GANC: variants seen among roughly 807,000 people sequenced by gnomAD.
GANC encodes neutral alpha-glucosidase C.
Under a neutral mutation model 124.2 loss-of-function variants are expected in GANC, and 117 were observed. The ratio of observed to expected loss-of-function variants is 0.94; its 90% confidence interval spans 0.81 to 1.10. GANC has a LOEUF of 1.10. Ranked by LOEUF, GANC falls within the 50% of genes least tolerant of loss-of-function variation. GANC has a pLI of 0.00. For missense variants in GANC, 1,140 were observed against 1,095.0 expected, an observed-to-expected ratio of 1.04 and a Z score of -0.58; for synonymous variants, 377 against 376.8, an observed-to-expected ratio of 1.00 and a Z score of -0.01.
intron 12 of GANC, among the ~76,000 whole-genome samples, chr15:42,326,916 CAA>C (rs763749175): frequency 2.6e-5 from 4 of 152,136 alleles, no homozygotes; most frequent in Non-Finnish European, 5.9e-5. Flanking sequence ...TCCCCAAGGA[CAA>C]AAGGAAAATA....
intron 6 of GANC, 94 bp downstream of exon 6, chr15:42,297,750 G>T (rs149559769): frequency 5.9e-6 from 5 of 851,466 alleles, no homozygotes; most frequent in Non-Finnish European, 9.1e-6. Context: ...CTACAGAAGG[G>T]TGCTTGTTAA....
At position 42,352,370 on chromosome 15, in the gene GANC, C is replaced by T; in HGVS notation, c.*231C>T. The T allele has an allele frequency of 7.6e-7, 1 of 1,316,456 alleles. No homozygotes were observed. Among genetic ancestry groups the T allele is most frequent in the South Asian group, 1.6e-5 (1 of 61,170 alleles). 81.5% of individuals were successfully genotyped at this position (1,316,456 alleles called of 1,614,324 possible). ...TTGTATCAAACATCTCCTTTTCTCC[C>T]TGATACATAGCCCTGAGACATTTAT... is the stretch of plus-strand genomic sequence containing the variant. On this transcript the variant is annotated 3_prime_UTR_variant, in exon 24 of 24. Transcript: ENST00000318010.
rs780116218 is a variant in GANC, at chr15:42,343,128, G to A, written c.2203G>A (p.Asp735Asn). 6.2e-7 allele frequency: 1 copy of A among 1,613,978 alleles called. No homozygotes were observed. Among genetic ancestry groups the A allele is most frequent in the African/African-American group, 1.3e-5 (1 of 74,924 alleles). Residue 735 changes from aspartate (D) to asparagine (N), a missense_variant, in exon 19 of 24, where the codon GAT (aspartate) becomes AAT (asparagine). Coordinates refer to ENST00000318010, the MANE Select transcript of GANC (RefSeq NM_198141.3). ...CACAGAACCAAAAGCCACCACAGTT[G>A]ATGTGTTTCTTCCAGGATCAAATGA... is the stretch of plus-strand genomic sequence containing the variant. ...PVTEPKATTV[D>N]VFLPGSNEVW...
chr15:42,343,207 C>T, intron 19 of GANC, 53 bp downstream of exon 19: 2 of 1,481,518 alleles, frequency 1.3e-6, no homozygotes, highest in South Asian at 2.3e-5. Context: ...CTCATCCCTT[C>T]TTTTCTTTTA....
intron 22 of GANC, 89 bp downstream of exon 22, chr15:42,349,584 A>G: frequency 1.3e-6 from 1 of 776,980 alleles, no homozygotes. Context: ...GGTATGTTTT[A>G]AGTTACTATT....
chr15:42,326,043 C>T (rs921022236), intron 11 of GANC, among the ~76,000 whole-genome samples: 4 of 152,260 alleles, frequency 2.6e-5, no homozygotes, highest in African/African-American at 4.8e-5. Context: ...CAGGTGTGAG[C>T]CGCTGTGCCT....
At chr15:42,279,802 C>G (rs1309792068) in intron 3 of GANC, among the ~76,000 whole-genome samples, 1 of 152,160 alleles carries the variant, frequency 6.6e-6, no homozygotes. Flanking sequence ...ACTAACAAGT[C>G]CCAGTTCTGG....
intron 17 of GANC, 140 bp from the exon 18 acceptor site, chr15:42,340,550 G>A (rs1273372410): frequency 1.7e-5 from 11 of 638,412 alleles, no homozygotes; most frequent in South Asian, 1.2e-4. Flanking sequence ...ACTGCAGTGA[G>A]CCAAGATAGC....
At chr15:42,281,022 C>T (rs1165387874) in intron 3 of GANC, 2 of 702,518 alleles carry the variant, frequency 2.8e-6, no homozygotes, top group Non-Finnish European at 5.2e-6. Context: ...GCACCTGGCT[C>T]AAAAGGAAGC....
intron 8 of GANC, among the ~76,000 whole-genome samples, chr15:42,309,342 CAG>C (rs1325765765): frequency 1.3e-5 from 2 of 150,664 alleles, no homozygotes; most frequent in Non-Finnish European, 3.0e-5. Flanking sequence ...TTTTTTGAGA[CAG>C]AGTCTCGCAC....
intron 15 of GANC, among the ~76,000 whole-genome samples, chr15:42,334,242 A>G (rs1411593234): frequency 1.3e-5 from 2 of 151,532 alleles, no homozygotes; most frequent in African/African-American, 2.4e-5. Context: ...GATCACTGCA[A>G]CCTCCACCTC....
At chr15:42,338,724 A>ATG (rs1202077175) in intron 16 of GANC, among the ~76,000 whole-genome samples, 2 of 152,162 alleles carry the variant, frequency 1.3e-5, no homozygotes, top group Non-Finnish European at 2.9e-5. Context: ...TCAGAAAGGG[A>ATG]GCCAGAGCCA....
chr15:42,329,684 T>A (rs1371676623), intron 14 of GANC, among the ~76,000 whole-genome samples: 2 of 152,186 alleles, frequency 1.3e-5, no homozygotes, highest in Non-Finnish European at 2.9e-5. Flanking sequence ...TGAAATTAAT[T>A]ATAACATAAA....
rs773746117 is a variant in GANC, at chr15:42,273,348, C to T, written c.-1134C>T. The T allele has an allele frequency of 8.9e-5, 144 of 1,614,014 alleles. No homozygotes were observed. The highest frequency in any genetic ancestry group is 1.2e-4 in the Non-Finnish European group (141 of 1,180,046). The stretch of plus-strand genomic sequence containing the variant: ...ACGACAGTGGTGACGGGTGAGCTCC[C>T]AGAAGCAGAAGAATGACAGGCAACA... On this transcript the variant is annotated 5_prime_UTR_variant, in exon 1 of 24. Transcript: ENST00000318010.
intron 8 of GANC, among the ~76,000 whole-genome samples, chr15:42,309,351 G>T (rs544931742): frequency 1.3e-5 from 2 of 150,344 alleles, no homozygotes; most frequent in Non-Finnish European, 3.0e-5. Flanking sequence ...ACAGAGTCTC[G>T]CACTGTCGCC....
intron 6 of GANC, among the ~76,000 whole-genome samples, chr15:42,303,541 A>G (rs1271890762): frequency 6.6e-6 from 1 of 152,200 alleles, no homozygotes; most frequent in Admixed American, 6.5e-5. Flanking sequence ...AAATATCCCA[A>G]TTAAAAGACA....
At chr15:42,300,440 A>G (rs1171913872) in intron 6 of GANC, among the ~76,000 whole-genome samples, 2 of 152,178 alleles carry the variant, frequency 1.3e-5, no homozygotes, top group East Asian at 3.8e-4. Flanking sequence ...ATTATTAAAA[A>G]GTCAAAAAAC....
intron 15 of GANC, among the ~76,000 whole-genome samples, chr15:42,336,157 AAAAG>A (rs142653309): frequency 0.099 from 15,054 of 151,640 alleles, 1,050 homozygotes; most frequent in African/African-American, 0.18. Context: ...AAAGAAAAAA[AAAAG>A]AGCCTGAATA....
chr15:42,280,670 A>G (rs932095793), intron 3 of GANC, among the ~76,000 whole-genome samples: 2 of 152,128 alleles, frequency 1.3e-5, no homozygotes, highest in African/African-American at 4.8e-5. Context: ...GTAGTTGTCC[A>G]TAGTCAGAGC....
Sources: allele counts gnomAD v4.1 joint callset (sites outside exome capture counted in the v4.1 genomes callset), GRCh38; gene constraint gnomAD v4.1.1; transcripts MANE v1.5; gene names NCBI Gene and HGNC (gene_info 2026-07-23, HGNC 2026-07-21).